LDLRAD4: variants seen among roughly 807,000 people sequenced by gnomAD.
LDLRAD4 encodes the protein low density lipoprotein receptor class A domain containing 4.
In LDLRAD4, 5 loss-of-function variants were observed where a neutral mutation model predicts 17.0. That is an observed-to-expected ratio of 0.29 (90% CI 0.15 to 0.62). The LOEUF (loss-of-function observed/expected upper bound fraction) is 0.62. LDLRAD4 is among the 20% of genes least tolerant of loss of function. LDLRAD4 has a pLI of 0.84. For missense variants in LDLRAD4, 340 were observed against 424.7 expected (o/e 0.80, Z 1.75); for synonymous variants, 168 against 171.8 (o/e 0.98, Z 0.17).
chr18:13,573,625 C>A (rs2094723712), intron 3 of LDLRAD4, among the ~76,000 whole-genome samples: 1 of 152,218 alleles, frequency 6.6e-6, no homozygotes, highest in Admixed American at 6.5e-5. Context: ...ATGCTGGGCT[C>A]ACATTATAGG....
At chr18:13,445,296 G>A (rs1296761796) in intron 3 of LDLRAD4, among the ~76,000 whole-genome samples, 1 of 152,186 alleles carries the variant, frequency 6.6e-6, no homozygotes, top group Non-Finnish European at 1.5e-5. Context: ...GTGGGACTGT[G>A]TGTGGTATTT....
intron 1 of LDLRAD4, among the ~76,000 whole-genome samples, chr18:13,368,570 A>G (rs952615055): frequency 8.5e-5 from 13 of 152,078 alleles, no homozygotes; most frequent in Admixed American, 7.2e-4. Flanking sequence ...CTACCTGTCC[A>G]TCTCCCCTGG....
At chr18:13,353,467 C>A (rs1479758055) in intron 1 of LDLRAD4, among the ~76,000 whole-genome samples, 1 of 152,186 alleles carries the variant, frequency 6.6e-6, no homozygotes, top group Non-Finnish European at 1.5e-5. Flanking sequence ...GGCTGCTGGA[C>A]CTTATGTATT....
At chr18:13,382,724 C>T (rs949207087) in intron 1 of LDLRAD4, 2 of 152,306 alleles carry the variant, frequency 1.3e-5, no homozygotes, top group Non-Finnish European at 2.9e-5. Context: ...ACCTTGCGTC[C>T]TGGGTAAGTT....
chr18:13,224,064 C>T (rs1010700970), intron 1 of LDLRAD4, among the ~76,000 whole-genome samples: 29 of 152,204 alleles, frequency 1.9e-4, no homozygotes, highest in Non-Finnish European at 3.4e-4. Context: ...TTCTTGCCTC[C>T]GTGCTGTAGC....
intron 3 of LDLRAD4, among the ~76,000 whole-genome samples, chr18:13,587,351 C>G (rs950513893): frequency 6.6e-6 from 1 of 152,184 alleles, no homozygotes; most frequent in Non-Finnish European, 1.5e-5. Context: ...AAATATTGAG[C>G]CCTTACCAGA....
intron 3 of LDLRAD4, among the ~76,000 whole-genome samples, chr18:13,479,506 A>C (rs1374772336): frequency 6.6e-6 from 1 of 152,194 alleles, no homozygotes; most frequent in African/African-American, 2.4e-5. Flanking sequence ...CTGTAATCCC[A>C]GCTACTTGGG....
At chr18:13,552,739 A>G (rs2094447370) in intron 3 of LDLRAD4, among the ~76,000 whole-genome samples, 1 of 152,232 alleles carries the variant, frequency 6.6e-6, no homozygotes, top group African/African-American at 2.4e-5. Context: ...GGAAAGTGAT[A>G]GAACCTAGAA....
At chr18:13,487,224 C>T (rs117820554) in intron 3 of LDLRAD4, 1 of 152,366 alleles carries the variant, frequency 6.6e-6, no homozygotes, top group Non-Finnish European at 1.5e-5. Flanking sequence ...TAGCAAAAGG[C>T]ACCTGCCTGC....
At chr18:13,289,401 C>T (rs1217907926) in intron 1 of LDLRAD4, among the ~76,000 whole-genome samples, 1 of 152,176 alleles carries the variant, frequency 6.6e-6, no homozygotes, top group African/African-American at 2.4e-5. Context: ...GATTGCAGAA[C>T]ATTGAACTGT....
At chr18:13,572,577 C>A (rs550545097) in intron 3 of LDLRAD4, among the ~76,000 whole-genome samples, 4 of 152,188 alleles carry the variant, frequency 2.6e-5, no homozygotes, top group Non-Finnish European at 5.9e-5. Flanking sequence ...GAGTAAGAAA[C>A]CGCAGAAGGA....
At chr18:13,636,924 A>G (rs1157295355) in intron 4 of LDLRAD4, among the ~76,000 whole-genome samples, 3 of 151,550 alleles carry the variant, frequency 2.0e-5, no homozygotes. Context: ...CAGCCTCCCA[A>G]GTAGCTGGGA....
chr18:13,558,963 A>G, intron 3 of LDLRAD4, among the ~76,000 whole-genome samples: 1 of 140,854 alleles, frequency 7.1e-6, no homozygotes, highest in Non-Finnish European at 1.5e-5. Flanking sequence ...GAAGCACACC[A>G]GCTCCCCAGC....
At chr18:13,544,491 A>G (rs1353887672) in intron 3 of LDLRAD4, among the ~76,000 whole-genome samples, 1 of 152,230 alleles carries the variant, frequency 6.6e-6, no homozygotes, top group African/African-American at 2.4e-5. Context: ...GGAGACAGAA[A>G]ATTGTGAAAT....
intron 1 of LDLRAD4, among the ~76,000 whole-genome samples, chr18:13,320,929 C>T (rs2081182110): frequency 6.6e-6 from 1 of 152,188 alleles, no homozygotes; most frequent in South Asian, 2.1e-4. Context: ...CGTGACTGGA[C>T]ATAACAAGCC....
Position 13,402,132 on chromosome 18 carries a change from T to C in LDLRAD4, c.40+14370T>C, listed in dbSNP as rs59626085. Among the ~76,000 whole-genome samples the C allele has an allele frequency of 8.9e-3, 1,359 of 152,310 alleles. 19 individuals carry two copies. Among genetic ancestry groups the C allele is most frequent in the African/African-American group, 0.03 (1,250 of 41,552 alleles). On this transcript the variant is annotated intron_variant, in intron 2 of 5. Transcript: ENST00000359446. ...CATTAAATACCGTCTTTTAAAAAGATAGGAACCAACAACGTGCTTTTCCCT... is the reference window on the plus strand; with the variant it reads ...CATTAAATACCGTCTTTTAAAAAGACAGGAACCAACAACGTGCTTTTCCCT...
At chr18:13,523,730 T>C (rs1312303105) in intron 3 of LDLRAD4, among the ~76,000 whole-genome samples, 1 of 152,144 alleles carries the variant, frequency 6.6e-6, no homozygotes, top group Non-Finnish European at 1.5e-5. Flanking sequence ...ACCTTTTCTA[T>C]GGGGACCCCT....
At chr18:13,610,305 TG>T (rs869281425) in intron 3 of LDLRAD4, among the ~76,000 whole-genome samples, 449 of 24,338 alleles carry the variant, frequency 0.018, 94 homozygotes, top group Middle Eastern at 0.029. Flanking sequence ...TTTTTTTTTT[TG>T]AGACGGAGTC....
intron 3 of LDLRAD4, among the ~76,000 whole-genome samples, chr18:13,460,629 GC>G (rs2092382622): frequency 2.0e-5 from 3 of 152,216 alleles, no homozygotes; most frequent in Admixed American, 2.0e-4. Flanking sequence ...AGAAGGTAGT[GC>G]TGTTGAGAGA....
Sources: allele counts gnomAD v4.1 joint callset (sites outside exome capture counted in the v4.1 genomes callset), GRCh38; gene constraint gnomAD v4.1.1; transcripts MANE v1.5; gene names NCBI Gene and HGNC (gene_info 2026-07-23, HGNC 2026-07-21).